Variants in MEI1 observed in about 807,000 individuals in gnomAD.
MEI1 encodes the protein meiotic double-stranded break formation protein 1.
MEI1 carries 103 observed loss-of-function variants against 146.2 expected under a neutral mutation model. That is an observed-to-expected ratio of 0.70 (90% CI 0.60 to 0.83). The LOEUF (loss-of-function observed/expected upper bound fraction) is 0.83, where lower values mean the gene tolerates loss of function less well. MEI1 is among the 40% of genes least tolerant of loss of function. MEI1 has a pLI of 0.00. For synonymous variants in MEI1, 652 were observed against 628.2 expected (o/e 1.04, Z -0.57); for missense variants, 1,529 against 1,533.0 (o/e 1.00, Z 0.04).
intron 21 of MEI1, among the ~76,000 whole-genome samples, chr22:41,776,679 G>C (rs1354363635): frequency 6.6e-6 from 1 of 152,190 alleles, no homozygotes; most frequent in African/African-American, 2.4e-5. Context: ...GTGAGATCCG[G>C]GGGATTAGTT....
chr22:41,799,260 G>A lies in MEI1; in HGVS notation c.3786G>A (p.Leu1262=), dbSNP rs550356286. Residue 1262 remains leucine (L), a synonymous_variant, in exon 31 of 31, where the codon CTG becomes CTA. Coordinates refer to ENST00000401548, the MANE Select transcript of MEI1 (RefSeq NM_152513.4). ...TCTCATGTTTTGCTGCCAGCTGCCTGGGAGGGGTGGCTGTATCCCTGTCCC... is the reference window on the plus strand; with the variant it reads ...TCTCATGTTTTGCTGCCAGCTGCCTAGGAGGGGTGGCTGTATCCCTGTCCC... ...GQPPLQDMLC[L]GGVAVSLSHI... The A allele has an allele frequency of 5.6e-6, 9 of 1,613,276 alleles. No homozygotes were observed. Among genetic ancestry groups the A allele is most frequent in the Non-Finnish European group, 6.8e-6 (8 of 1,179,560 alleles).
At chr22:41,773,910 CA>C (rs2075314878) in intron 20 of MEI1, among the ~76,000 whole-genome samples, 1 of 152,136 alleles carries the variant, frequency 6.6e-6, no homozygotes, top group Non-Finnish European at 1.5e-5. Flanking sequence ...CAGCAAGGAA[CA>C]ACTTTATTGT....
At position 41,724,160 on chromosome 22, in the gene MEI1, A is replaced by T. The variant is rs534779934; in HGVS notation, c.864+87A>T. ...GGCCTTGTCTTCATCTACCACTCCT[A>T]TCTCAGATTTCCAAGTGTTTTCTTA... is the stretch of plus-strand genomic sequence containing the variant. On this transcript the variant is annotated intron_variant, in intron 7 of 30. Coordinates refer to ENST00000401548, the MANE Select transcript of MEI1 (RefSeq NM_152513.4). 161 of 1,494,414 alleles carry T rather than the reference A, an allele frequency of 1.1e-4. No individual in the cohort carries two copies. The East Asian group carries it at 3.6e-3, about 34-fold the overall frequency. 92.6% of individuals were successfully genotyped at this position (1,494,414 alleles called of 1,614,324 possible). A position where few individuals can be genotyped will look rare whatever the true frequency, so the allele number is the denominator to read the frequency against.
chr22:41,725,016 C>T (rs1211238441), intron 7 of MEI1, among the ~76,000 whole-genome samples: 1 of 151,940 alleles, frequency 6.6e-6, no homozygotes, highest in Non-Finnish European at 1.5e-5. Context: ...GTTGCTTGGG[C>T]TGGTCTCAAC....
intron 1 of MEI1, among the ~76,000 whole-genome samples, 193 bp from the exon 2 acceptor site, chr22:41,703,138 C>T (rs2068838647): frequency 6.6e-6 from 1 of 152,204 alleles, no homozygotes; most frequent in Non-Finnish European, 1.5e-5. Flanking sequence ...CATGTATAAT[C>T]TTCTGTATGA....
intron 17 of MEI1, among the ~76,000 whole-genome samples, chr22:41,756,054 G>T (rs925509361): frequency 2.6e-4 from 40 of 152,176 alleles, no homozygotes; most frequent in African/African-American, 8.9e-4. Flanking sequence ...TCAGTCTGTG[G>T]AGTAGTGTCA....
At chr22:41,706,716 TAAAAAAA>T (rs887384164) in intron 3 of MEI1, among the ~76,000 whole-genome samples, 3 of 139,702 alleles carry the variant, frequency 2.1e-5, no homozygotes, top group Admixed American at 7.2e-5. Context: ...CCCTTTCTCT[TAAAAAAA>T]AAAAACAAAA....
At position 41,709,470 on chromosome 22, in the gene MEI1, A is replaced by T. The variant is rs1464913155; in HGVS notation, c.349+3916A>T. 4.6e-6 allele frequency: 3 copies of T among 655,686 alleles called. No individual in the cohort carries two copies. In the African/African-American group the frequency reaches 5.4e-5, roughly 12 times the overall value. 40.6% of individuals were successfully genotyped at this position (655,686 alleles called of 1,614,324 possible). ...CTTTATCTCCTTTAGCATCACCTTC[A>T]GCCTTTGTCTTGGGCATGGTGGCAG... On this transcript the variant is annotated intron_variant, in intron 3 of 30. Coordinates refer to ENST00000401548, the MANE Select transcript of MEI1 (RefSeq NM_152513.4).
chr22:41,729,040 T>G (rs554147604), intron 7 of MEI1, among the ~76,000 whole-genome samples: 2 of 152,008 alleles, frequency 1.3e-5, no homozygotes, highest in Non-Finnish European at 2.9e-5. Context: ...GGTGCACGCC[T>G]GTAGTCCCAG....
intron 11 of MEI1, among the ~76,000 whole-genome samples, chr22:41,739,814 T>C (rs983408226): frequency 2.6e-5 from 4 of 152,138 alleles, no homozygotes; most frequent in Admixed American, 2.0e-4. Flanking sequence ...TCAGTTGTAC[T>C]ATGAAGGGTG....
At chr22:41,718,021 C>T in intron 5 of MEI1, 50 bp from the exon 6 acceptor site, 1 of 1,386,310 alleles carries the variant, frequency 7.2e-7, no homozygotes, top group Non-Finnish European at 1.0e-6. Context: ...TTTCATATAG[C>T]AGTTGACATT....
At chr22:41,735,197 C>T (rs570179100) in intron 11 of MEI1, among the ~76,000 whole-genome samples, 5 of 144,668 alleles carry the variant, frequency 3.5e-5, no homozygotes, top group Non-Finnish European at 6.0e-5. Context: ...CTCCTGACCT[C>T]GTGATCCGCC....
rs374688443 is a variant in MEI1, at chr22:41,761,033, C to T, written c.2121-2141C>T. 1.3e-3 allele frequency among the ~76,000 whole-genome samples: 201 copies of T among 152,196 alleles called. 1 individual carries two copies. Among genetic ancestry groups the T allele is most frequent in the African/African-American group, 4.5e-3 (188 of 41,558 alleles). ...ATGAGAGGGTCTGTCTCTTCCCTCA[C>T]GGGTGCGGTGGCTTACACCTGTAAT... On this transcript the variant is annotated intron_variant, in intron 18 of 30. Transcript: ENST00000401548.
chr22:41,754,181 T>C, intron 17 of MEI1, 135 bp downstream of exon 17: 1 of 651,506 alleles, frequency 1.5e-6, no homozygotes, highest in South Asian at 1.8e-5. Context: ...GGAATCGGAG[T>C]GATGCAATTA....
intron 9 of MEI1, among the ~76,000 whole-genome samples, chr22:41,731,547 G>A (rs1310672227): frequency 1.3e-5 from 2 of 151,888 alleles, no homozygotes; most frequent in African/African-American, 4.8e-5. Context: ...AGTAGAGACG[G>A]GGGTCTCTCC....
At chr22:41,757,883 A>C (rs534717982) in intron 17 of MEI1, among the ~76,000 whole-genome samples, 1 of 152,174 alleles carries the variant, frequency 6.6e-6, no homozygotes, top group East Asian at 1.9e-4. Flanking sequence ...AAGGTGGGTG[A>C]ATCACCTGAG....
At chr22:41,719,664 CT>C (rs1484774995) in intron 6 of MEI1, among the ~76,000 whole-genome samples, 1 of 152,186 alleles carries the variant, frequency 6.6e-6, no homozygotes, top group African/African-American at 2.4e-5. Context: ...AACACATGAA[CT>C]TTGGGGAACA....
At chr22:41,793,035 T>A (rs1180581380) in intron 26 of MEI1, among the ~76,000 whole-genome samples, 2 of 68,154 alleles carry the variant, frequency 2.9e-5, no homozygotes, top group East Asian at 5.2e-4. Flanking sequence ...AAGCATTCTT[T>A]TTTTTTTTTT....
chr22:41,733,532 G>A (rs1180131407), intron 11 of MEI1, among the ~76,000 whole-genome samples: 5 of 152,050 alleles, frequency 3.3e-5, no homozygotes, highest in African/African-American at 9.7e-5. Context: ...CAAGGCAGGT[G>A]GATCACTTGA....
Sources: gnomAD v4.1 joint callset for allele counts (sites outside exome capture counted in the v4.1 genomes callset) on GRCh38, gnomAD v4.1.1 for gene constraint, MANE v1.5 for transcripts, NCBI Gene and HGNC (gene_info 2026-07-23, HGNC 2026-07-21) for gene names.